The following NSD3 variants were observed in gnomAD, a reference collection of about 807,000 sequenced individuals.
NSD3 encodes histone-lysine N-methyltransferase NSD3.
A neutral mutation model predicts 160.8 loss-of-function variants in NSD3; 24 were observed. The observed-to-expected ratio is 0.15, with a 90% CI of 0.11 to 0.21. The LOEUF is 0.21. Ranked by LOEUF, NSD3 falls within the 10% of genes least tolerant of loss-of-function variation. NSD3 has a pLI of 1.00. For synonymous variants in NSD3, 520 were observed against 600.0 expected (o/e 0.87, Z 1.95); for missense variants, 1,157 against 1,735.9 (o/e 0.67, Z 5.93).
At chr8:38,360,842 C>T (rs189322445) in intron 1 of NSD3, among the ~76,000 whole-genome samples, 2 of 152,172 alleles carry the variant, frequency 1.3e-5, no homozygotes, top group East Asian at 3.9e-4. Context: ...CAAATTATGC[C>T]ATTTTTGTAT....
Position 38,318,107 on chromosome 8 carries a change from G to A in NSD3, c.1855+788C>T. 1 of 1,580,158 alleles carries A rather than the reference G, an allele frequency of 6.3e-7. No homozygotes were observed. The highest frequency in any genetic ancestry group is 8.6e-7 in the Non-Finnish European group (1 of 1,158,320). On this transcript the variant is annotated intron_variant, in intron 9 of 23. Transcript: ENST00000317025. This position sits in a 1 kb window ranked among gnomAD's most constrained non-coding sequence, Gnocchi z 5.3. ...CGCAGCGATCGCGATGTCTTTTCTT[G>A]GAGCTCCGCCAAGCAGTGTTCCCTC...
intron 1 of NSD3, among the ~76,000 whole-genome samples, chr8:38,355,729 A>G (rs957764344): frequency 2.6e-5 from 4 of 152,272 alleles, no homozygotes; most frequent in African/African-American, 9.6e-5. Flanking sequence ...GATAAAGATA[A>G]TGTGTTCAAT....
chr8:38,336,607 A>G (rs564731831), intron 4 of NSD3, among the ~76,000 whole-genome samples: 5 of 152,330 alleles, frequency 3.3e-5, no homozygotes, highest in African/African-American at 9.6e-5. Flanking sequence ...TGAAATAAAA[A>G]TGTTCAAAGA....
chr8:38,347,999 T>C lies in NSD3; in HGVS notation c.173A>G (p.Gln58Arg). Residue 58 changes from glutamine to arginine, a missense_variant, in exon 2 of 24, where the codon CAG becomes CGG. Gln to Arg is a conservative substitution (Grantham distance 43). Around this residue, in one of 10 missense-constraint regions of NSD3, gnomAD observed 121 missense variants for 177.2 expected, o/e 0.68. Coordinates refer to ENST00000317025, the MANE Select transcript of NSD3 (RefSeq NM_023034.2). ...AAGATCTTCTGTTGTAGCTGGGTAC[T>C]GAAAGCCTTGCTGCAAAGTAGCTTC... Reference protein sequence around the residue: ...PYEATLQQGFQYPATTEDLPP... With the variant: ...PYEATLQQGFRYPATTEDLPP... 2 of 1,614,222 alleles carry C rather than the reference T, an allele frequency of 1.2e-6. No individual in the cohort carries two copies. The highest frequency in any genetic ancestry group is 1.7e-6 in the Non-Finnish European group (2 of 1,180,030).
intron 19 of NSD3, among the ~76,000 whole-genome samples, chr8:38,283,352 CA>C (rs1174928055): frequency 6.6e-6 from 1 of 151,868 alleles, no homozygotes; most frequent in Non-Finnish European, 1.5e-5. Flanking sequence ...TCTTGAAAAA[CA>C]AAAAGGTATT....
chr8:38,281,374 A>G, intron 20 of NSD3, 93 bp downstream of exon 20: 1 of 626,718 alleles, frequency 1.6e-6, no homozygotes, highest in Admixed American at 3.7e-5. Context: ...CCTGAAGAAA[A>G]ATCAAATTAA....
intron 2 of NSD3, among the ~76,000 whole-genome samples, chr8:38,342,974 T>C (rs949645361): frequency 2.0e-5 from 3 of 150,500 alleles, no homozygotes; most frequent in East Asian, 2.1e-4. Context: ...GGTGGATCAC[T>C]TGAGGTCAGG....
chr8:38,292,300 A>G lies in NSD3; in HGVS notation c.2916-1623T>C, dbSNP rs578016111. On this transcript the variant is annotated intron_variant, in intron 16 of 23. Coordinates refer to ENST00000317025, the MANE Select transcript of NSD3 (RefSeq NM_023034.2). ...AAAAGTGAAAATGCCTCTTCTTGTA[A>G]TCTCATCCTTGACACTATTAACATT... Among the ~76,000 whole-genome samples, 11 of 152,342 alleles carry G rather than the reference A, an allele frequency of 7.2e-5. No individual in the cohort carries two copies. In the South Asian group the frequency reaches 1.2e-3, roughly 17 times the overall value.
intron 1 of NSD3, among the ~76,000 whole-genome samples, chr8:38,353,824 C>T (rs1259067391): frequency 6.6e-6 from 1 of 152,192 alleles, no homozygotes; most frequent in Non-Finnish European, 1.5e-5. Flanking sequence ...CCACATAGAA[C>T]ACTTCAAATA....
intron 1 of NSD3, among the ~76,000 whole-genome samples, chr8:38,370,377 A>G (rs1462467256): frequency 6.6e-6 from 1 of 150,534 alleles, no homozygotes; most frequent in Non-Finnish European, 1.5e-5. Context: ...ACTGTCCAGG[A>G]GAATTTTTTT....
chr8:38,326,230 T>A (rs1158462687), intron 7 of NSD3, among the ~76,000 whole-genome samples: 7 of 152,206 alleles, frequency 4.6e-5, no homozygotes. Context: ...TAACATGGCT[T>A]GATTTTCAAT....
intron 1 of NSD3, among the ~76,000 whole-genome samples, chr8:38,362,427 A>C (rs769273445): frequency 6.6e-6 from 1 of 152,180 alleles, no homozygotes; most frequent in Admixed American, 6.5e-5. Context: ...TCATAAATGT[A>C]ACGTCACTCA....
chr8:38,349,639 T>C (rs1585912572), intron 1 of NSD3, among the ~76,000 whole-genome samples: 1 of 141,794 alleles, frequency 7.1e-6, no homozygotes, highest in East Asian at 2.0e-4. Context: ...CAGTATCTAC[T>C]TATTTTTTTA....
intron 1 of NSD3, among the ~76,000 whole-genome samples, chr8:38,350,061 A>G (rs900240477): frequency 1.3e-5 from 2 of 152,144 alleles, no homozygotes; most frequent in African/African-American, 4.8e-5. Context: ...TATATGTGCC[A>G]CATTTTCTTA....
rs1426959320 is a variant in NSD3, at chr8:38,298,053, T to G, written c.2758+1391A>C. On this transcript the variant is annotated intron_variant, in intron 15 of 23. Transcript: ENST00000317025. ...TACACAAGGGAAATAAAAAAAAATG[T>G]GAATGGTCCACCTTGGTGCTATGCA... Among the ~76,000 whole-genome samples, 3 of 152,030 alleles carry G rather than the reference T, an allele frequency of 2.0e-5. 1 individual carries two copies. Among genetic ancestry groups the G allele is most frequent in the African/African-American group, 7.2e-5 (3 of 41,412 alleles).
At chr8:38,308,319 A>G (rs1809454497) in intron 12 of NSD3, among the ~76,000 whole-genome samples, 1 of 152,160 alleles carries the variant, frequency 6.6e-6, no homozygotes, top group Admixed American at 6.5e-5. Flanking sequence ...TTTTGGTCCC[A>G]TTGTAAATAT....
At chr8:38,359,358 G>A (rs945369641) in intron 1 of NSD3, among the ~76,000 whole-genome samples, 4 of 152,030 alleles carry the variant, frequency 2.6e-5, no homozygotes, top group Admixed American at 2.6e-4. Flanking sequence ...ATGAACAGAA[G>A]CAAAAGTCAA....
chr8:38,375,295 G>A (rs1811362850), intron 1 of NSD3, among the ~76,000 whole-genome samples: 1 of 152,042 alleles, frequency 6.6e-6, no homozygotes, highest in African/African-American at 2.4e-5. Context: ...AGTTATCACT[G>A]TAGATCAGTT....
At chr8:38,343,668 A>T (rs746706852) in intron 2 of NSD3, among the ~76,000 whole-genome samples, 2 of 152,222 alleles carry the variant, frequency 1.3e-5, no homozygotes, top group Non-Finnish European at 2.9e-5. Flanking sequence ...GCACCACTGC[A>T]CTCCACCCTG....
Sources: allele counts gnomAD v4.1 joint callset (sites outside exome capture counted in the v4.1 genomes callset), GRCh38; gene constraint gnomAD v4.1.1; regional missense constraint gnomAD v4.1.1; non-coding constraint Gnocchi (gnomAD v3.1); transcripts MANE v1.5; gene names NCBI Gene and HGNC (gene_info 2026-07-23, HGNC 2026-07-21).